The following DLGAP2 variants were observed in gnomAD, a reference collection of about 807,000 sequenced individuals.
DLGAP2 encodes DLG associated protein 2.
A neutral mutation model predicts 100.3 loss-of-function variants in DLGAP2; 26 were observed. The observed-to-expected ratio is 0.26, with a 90% CI of 0.19 to 0.36. The LOEUF is 0.36. DLGAP2 is among the 10% of genes least tolerant of loss of function. The probability of loss-of-function intolerance (pLI) is 1.00; values close to 1 mark genes in which losing one functional copy is unlikely to be tolerated. For missense variants in DLGAP2, 1,858 were observed against 1,453.2 expected (o/e 1.28, Z -4.53); for synonymous variants, 886 against 630.1 (o/e 1.41, Z -6.08).
At chr8:1,390,078 T>C (rs1417689262) in intron 3 of DLGAP2, among the ~76,000 whole-genome samples, 1 of 152,156 alleles carries the variant, frequency 6.6e-6, no homozygotes, top group Non-Finnish European at 1.5e-5. Flanking sequence ...ATTTCATCCG[T>C]TGATGGAGAT....
At chr8:1,529,304 A>T (rs967133725) in intron 4 of DLGAP2, among the ~76,000 whole-genome samples, 1 of 152,220 alleles carries the variant, frequency 6.6e-6, no homozygotes, top group South Asian at 2.1e-4. Context: ...CCAGGATTCA[A>T]TGACCTCCAC....
intron 3 of DLGAP2, among the ~76,000 whole-genome samples, chr8:1,458,604 A>G (rs757758391): frequency 4.1e-4 from 62 of 152,212 alleles, no homozygotes; most frequent in Admixed American, 1.4e-3. Context: ...AAATGTGTCT[A>G]TGGTTTTTTA....
At chr8:1,417,508 C>T (rs994938808) in intron 3 of DLGAP2, among the ~76,000 whole-genome samples, 1 of 152,206 alleles carries the variant, frequency 6.6e-6, no homozygotes, top group East Asian at 1.9e-4. Flanking sequence ...CTCACCAGGG[C>T]AGGCATAGTA....
intron 1 of DLGAP2, chr8:883,154 C>T (rs1331161965): frequency 1.3e-5 from 2 of 152,506 alleles, no homozygotes; most frequent in Non-Finnish European, 2.9e-5. Context: ...TGAGGAATAG[C>T]TTTCTGATTG....
intron 2 of DLGAP2, among the ~76,000 whole-genome samples, chr8:1,175,946 A>G (rs558177692): frequency 1.3e-5 from 2 of 152,366 alleles, no homozygotes; most frequent in South Asian, 4.1e-4. Context: ...AAGTGAGGAC[A>G]AAGCGATTCG....
In DLGAP2 at chr8:1,232,489, C is replaced by G. The variant is rs117852255; in HGVS notation, c.74-26362C>G. ...TGAGGGGAGGATGCCTCCTCCGTCT[C>G]GAACCTCACGTCAACTCCTTTCCTC... On this transcript the variant is annotated intron_variant, in intron 2 of 14. Coordinates refer to ENST00000637795, the MANE Select transcript of DLGAP2 (RefSeq NM_001346810.2). Among the ~76,000 whole-genome samples, 1,061 of 152,338 alleles carry G rather than the reference C, an allele frequency of 7.0e-3. 34 individuals carry two copies. The highest frequency in any genetic ancestry group is 0.057 in the Admixed American group (870 of 15,294).
At chr8:1,614,525 G>A (rs1380491585) in intron 6 of DLGAP2, among the ~76,000 whole-genome samples, 1 of 152,214 alleles carries the variant, frequency 6.6e-6, no homozygotes, top group Non-Finnish European at 1.5e-5. Context: ...TCACCTCCAG[G>A]TGTGCAGAAA....
intron 8 of DLGAP2, among the ~76,000 whole-genome samples, chr8:1,645,983 C>T (rs867434513): frequency 3.3e-5 from 5 of 152,112 alleles, no homozygotes; most frequent in South Asian, 2.1e-4. Flanking sequence ...TGGTGGAGGC[C>T]GAATAATGCC....
intron 6 of DLGAP2, among the ~76,000 whole-genome samples, chr8:1,585,330 G>T (rs1242657906): frequency 1.3e-5 from 2 of 150,856 alleles, no homozygotes; most frequent in Non-Finnish European, 3.0e-5. Flanking sequence ...CAGGCATTTT[G>T]GCCCGTGCCT....
At chr8:1,285,563 G>C (rs1470716063) in intron 3 of DLGAP2, among the ~76,000 whole-genome samples, 2 of 152,164 alleles carry the variant, frequency 1.3e-5, no homozygotes, top group Non-Finnish European at 2.9e-5. Context: ...ACGTGAACAA[G>C]ACACACCTGT....
chr8:1,105,243 A>G (rs1442786656), intron 2 of DLGAP2, among the ~76,000 whole-genome samples: 1 of 152,242 alleles, frequency 6.6e-6, no homozygotes, highest in Non-Finnish European at 1.5e-5. Context: ...CTTAAAAATT[A>G]CAACCGTGGT....
At chr8:1,076,225 C>A (rs1485985279) in intron 2 of DLGAP2, among the ~76,000 whole-genome samples, 1 of 152,202 alleles carries the variant, frequency 6.6e-6, no homozygotes, top group Admixed American at 6.5e-5. Flanking sequence ...GTGCCACCCG[C>A]CTTCCTGCCT....
intron 2 of DLGAP2, among the ~76,000 whole-genome samples, chr8:990,206 A>G: frequency 6.6e-6 from 1 of 151,946 alleles, no homozygotes; most frequent in East Asian, 1.9e-4. Flanking sequence ...GAGTATTCCC[A>G]ACTTTTCACC....
At chr8:1,243,908 T>C (rs1211285110) in intron 2 of DLGAP2, among the ~76,000 whole-genome samples, 1 of 152,204 alleles carries the variant, frequency 6.6e-6, no homozygotes, top group African/African-American at 2.4e-5. Flanking sequence ...GTTCTCTTAT[T>C]AAAGAAACTG....
intron 2 of DLGAP2, among the ~76,000 whole-genome samples, chr8:1,254,359 C>A (rs1799122740): frequency 6.6e-6 from 1 of 152,230 alleles, no homozygotes; most frequent in Non-Finnish European, 1.5e-5. Context: ...CAGAGTGGAT[C>A]CCACAGTTCC....
chr8:973,762 A>G (rs1437223317), intron 2 of DLGAP2, among the ~76,000 whole-genome samples: 1 of 152,066 alleles, frequency 6.6e-6, no homozygotes, highest in East Asian at 1.9e-4. Context: ...AGGCAAATAT[A>G]CGCGCGGCTG....
chr8:1,052,938 C>A (rs939972554), intron 2 of DLGAP2, among the ~76,000 whole-genome samples: 2 of 152,174 alleles, frequency 1.3e-5, no homozygotes, highest in African/African-American at 4.8e-5. Flanking sequence ...CAGGTGATAT[C>A]CAGGTTAAGC....
intron 6 of DLGAP2, among the ~76,000 whole-genome samples, chr8:1,602,333 C>T (rs957703005): frequency 1.3e-5 from 2 of 152,166 alleles, no homozygotes; most frequent in Non-Finnish European, 2.9e-5. Context: ...TCTGATGAAT[C>T]GATGTCACTG....
At chr8:1,466,217 C>T (rs1287160883) in intron 3 of DLGAP2, among the ~76,000 whole-genome samples, 2 of 152,124 alleles carry the variant, frequency 1.3e-5, no homozygotes, top group Non-Finnish European at 2.9e-5. Context: ...AAATATTAGA[C>T]TCTTTACTAA....
Sources: allele counts gnomAD v4.1 joint callset (sites outside exome capture counted in the v4.1 genomes callset), GRCh38; gene constraint gnomAD v4.1.1; transcripts MANE v1.5; gene names NCBI Gene and HGNC (gene_info 2026-07-23, HGNC 2026-07-21).